The following PRELID2 variants were observed in gnomAD, a reference collection of about 807,000 sequenced individuals.
The protein encoded by PRELID2 is PRELI domain containing 2.
PRELID2 carries 25 observed loss-of-function variants against 28.4 expected under a neutral mutation model. The ratio of observed to expected loss-of-function variants is 0.88; its 90% CI spans 0.64 to 1.23. PRELID2 has a LOEUF of 1.23. Among genes scored for constraint, PRELID2 ranks in the 50% most tolerant of loss-of-function variants. The pLI is 0.00. For synonymous variants in PRELID2, 76 were observed against 71.6 expected, an observed-to-expected ratio of 1.06 and a Z score of -0.31; for missense variants, 201 against 214.4, an observed-to-expected ratio of 0.94 and a Z score of 0.39.
chr5:145,688,901 T>C (rs1178035191), intron 1 of PRELID2, among the ~76,000 whole-genome samples: 1 of 152,194 alleles, frequency 6.6e-6, no homozygotes, highest in East Asian at 1.9e-4. Flanking sequence ...AGACTGAGAC[T>C]GTTTCAATCA....
the PRELID2 span, among the ~76,000 whole-genome samples, chr5:145,422,096 G>T: frequency 7.2e-6 from 1 of 139,384 alleles, no homozygotes; most frequent in Non-Finnish European, 1.6e-5. Context: ...TGGTCTGAGA[G>T]ATAGTTTGTT....
chr5:145,811,892 T>C (rs953984108), intron 4 of PRELID2, among the ~76,000 whole-genome samples: 3 of 152,126 alleles, frequency 2.0e-5, no homozygotes, highest in African/African-American at 4.8e-5. Flanking sequence ...ATGGGCAACA[T>C]AGTGCCAAGA....
chr5:145,807,277 T>C (rs17103769), intron 4 of PRELID2, among the ~76,000 whole-genome samples: 2 of 152,184 alleles, frequency 1.3e-5, no homozygotes, highest in African/African-American at 4.8e-5. Context: ...CTCCTACTTA[T>C]GTCATCGAAT....
chr5:145,784,279 T>C (rs1460863922), intron 5 of PRELID2, among the ~76,000 whole-genome samples: 1 of 149,560 alleles, frequency 6.7e-6, no homozygotes, highest in African/African-American at 2.5e-5. Flanking sequence ...TTCATGGAGG[T>C]GGACTAAAGT....
At chr5:145,544,789 TTCTC>T (rs1752772076) in intron 1 of PRELID2, among the ~76,000 whole-genome samples, 1 of 152,150 alleles carries the variant, frequency 6.6e-6, no homozygotes, top group South Asian at 2.1e-4. Flanking sequence ...CAAATCTTCT[TTCTC>T]TCTAAGAGCA....
intron 1 of PRELID2, among the ~76,000 whole-genome samples, chr5:145,700,194 T>TC (rs78132540): frequency 3.3e-5 from 5 of 151,104 alleles, no homozygotes; most frequent in South Asian, 4.2e-4. Context: ...ATCAACAGCA[T>TC]CCCCCCCAAC....
chr5:145,580,029 T>C (rs1753094294), intron 1 of PRELID2, among the ~76,000 whole-genome samples: 1 of 152,122 alleles, frequency 6.6e-6, no homozygotes, highest in African/African-American at 2.4e-5. Flanking sequence ...TAAGATTCTA[T>C]TCCTCTATAG....
At chr5:145,286,657 A>T in the PRELID2 span, among the ~76,000 whole-genome samples, 1 of 152,094 alleles carries the variant, frequency 6.6e-6, no homozygotes. Context: ...TCCAGCTGAA[A>T]ATAAACAAGG....
chr5:145,610,463 TAAA>T (rs57586640), intron 1 of PRELID2, among the ~76,000 whole-genome samples: 5 of 147,358 alleles, frequency 3.4e-5, no homozygotes, highest in African/African-American at 9.8e-5. Flanking sequence ...ATTCTCAATT[TAAA>T]AAAAAAAAAT....
the PRELID2 span, among the ~76,000 whole-genome samples, chr5:145,307,287 C>T: frequency 7.2e-5 from 11 of 152,246 alleles, no homozygotes; most frequent in South Asian, 4.1e-4. Context: ...GAAGCCAGGC[C>T]GAAGCCCAGT....
chr5:145,381,060 C>A, the PRELID2 span, among the ~76,000 whole-genome samples: 5 of 152,110 alleles, frequency 3.3e-5, no homozygotes, highest in Non-Finnish European at 7.4e-5. Context: ...TAGAATTCAC[C>A]TTTTCAGTTA....
the PRELID2 span, among the ~76,000 whole-genome samples, chr5:145,393,500 G>C: frequency 1.3e-5 from 2 of 152,184 alleles, no homozygotes; most frequent in African/African-American, 2.4e-5. Flanking sequence ...GAGGCTGTAG[G>C]GCTGACACAT....
the PRELID2 span, among the ~76,000 whole-genome samples, chr5:145,345,052 A>G: frequency 6.6e-6 from 1 of 152,214 alleles, no homozygotes; most frequent in Non-Finnish European, 1.5e-5. Context: ...TAAACTTTAC[A>G]TGTGGTTTCT....
chr5:145,410,982 G>A, the PRELID2 span, among the ~76,000 whole-genome samples: 1 of 151,972 alleles, frequency 6.6e-6, no homozygotes, highest in Admixed American at 6.6e-5. Flanking sequence ...TACAGGCATT[G>A]GGTAAATACA....
chr5:145,322,556 G>T, the PRELID2 span, among the ~76,000 whole-genome samples: 3 of 152,062 alleles, frequency 2.0e-5, no homozygotes, highest in African/African-American at 7.2e-5. Context: ...CCAAATGCTT[G>T]GTTCTCTGCC....
chr5:145,607,683 G>A (rs1753524641), intron 1 of PRELID2, among the ~76,000 whole-genome samples: 1 of 151,974 alleles, frequency 6.6e-6, no homozygotes, highest in Admixed American at 6.6e-5. Context: ...TTTTTAGAGT[G>A]TATGCCACAT....
chr5:145,662,660 G>T (rs1754516699), intron 1 of PRELID2, among the ~76,000 whole-genome samples: 1 of 152,050 alleles, frequency 6.6e-6, no homozygotes. Flanking sequence ...GTTGTCATAG[G>T]AGGGGAATTG....
At chr5:145,580,255 A>G (rs1409598763) in intron 1 of PRELID2, among the ~76,000 whole-genome samples, 2 of 152,074 alleles carry the variant, frequency 1.3e-5, no homozygotes, top group African/African-American at 4.8e-5. Flanking sequence ...AAGAAAACCA[A>G]GTTATAAAAT....
At chr5:145,610,824 T>A (rs551853475) in intron 1 of PRELID2, among the ~76,000 whole-genome samples, 2 of 152,108 alleles carry the variant, frequency 1.3e-5, no homozygotes, top group South Asian at 4.1e-4. Flanking sequence ...ACTACAAAAA[T>A]ACAGAGAAAA....
Sources: gnomAD v4.1 joint callset for allele counts (sites outside exome capture counted in the v4.1 genomes callset) on GRCh38, gnomAD v4.1.1 for gene constraint, MANE v1.5 for transcripts, NCBI Gene and HGNC (gene_info 2026-07-23, HGNC 2026-07-21) for gene names.